AQP4: variants seen among roughly 807,000 people sequenced by gnomAD.
The protein encoded by AQP4 is aquaporin-4.
Under a neutral mutation model 27.8 loss-of-function variants are expected in AQP4, and 18 were observed. The ratio of observed to expected loss-of-function variants is 0.65; its 90% confidence interval spans 0.45 to 0.96. The LOEUF (loss-of-function observed/expected upper bound fraction) is 0.96. Ranked by LOEUF, AQP4 falls within the 40% of genes least tolerant of loss-of-function variation. AQP4 has a pLI of 0.00. For synonymous variants in AQP4, 141 were observed against 142.9 expected (o/e 0.99, Z 0.10); for missense variants, 412 against 408.2 (o/e 1.01, Z -0.08).
In AQP4 at chr18:26,861,198, C is replaced by G; in HGVS notation, c.545G>C (p.Arg182Pro). 6.2e-7 allele frequency: 1 copy of G among 1,614,032 alleles called. No individual in the cohort carries two copies. Among genetic ancestry groups the G allele is most frequent in the South Asian group, 1.1e-5 (1 of 91,078 alleles). The change falls in exon 3 of 5, where the codon CGG becomes CCG. Residue 182 changes from arginine to proline, a missense_variant. Transcript: ENST00000383168. The part of the protein sequence containing the change: ...FTIFASCDSK[R>P]TDVTGSIALA... ...AGCTATTGAGCCAGTGACATCAGTC[C>G]GTTTGGAATCACAGCTGGCAAAGAT...
intron 4 of AQP4, among the ~76,000 whole-genome samples, chr18:26,857,017 A>T (rs1462080229): frequency 6.6e-6 from 1 of 152,180 alleles, no homozygotes; most frequent in Non-Finnish European, 1.5e-5. Context: ...TCAGTTACGT[A>T]ACTTTCCAAG....
At chr18:26,862,009 C>A in intron 2 of AQP4, 173 bp downstream of exon 2, 1 of 752,606 alleles carries the variant, frequency 1.3e-6, no homozygotes, top group Admixed American at 2.6e-5. Context: ...TGATTTCTTA[C>A]AGATATACCT....
rs72557973 is a variant in AQP4, at chr18:26,860,920, C to T, written c.613-68G>A. On this transcript the variant is annotated intron_variant, in intron 3 of 4. Coordinates refer to ENST00000383168, the MANE Select transcript of AQP4 (RefSeq NM_001650.7). ...GGCTACTAGCAAGTATCATTCATTG[C>T]AATTTGCTGTCATTTGTCACTTAGA... 6,900 of 1,503,426 alleles carry T rather than the reference C, an allele frequency of 4.6e-3. 255 individuals carry two copies. The African/African-American group carries it at 0.083, about 18-fold the overall frequency. The allele number at this position is 1,503,426 out of a possible 1,614,324, so 93.1% of individuals were successfully genotyped here.
intron 1 of AQP4, chr18:26,865,298 C>T (rs956404568): frequency 1.0e-5 from 4 of 385,776 alleles, no homozygotes; most frequent in Non-Finnish European, 2.0e-5. Flanking sequence ...TGTACTGAAT[C>T]GGACACATTA....
At chr18:26,861,359 TATC>T in intron 2 of AQP4, 64 bp from the exon 3 acceptor site, 1 of 1,516,976 alleles carries the variant, frequency 6.6e-7, no homozygotes, top group African/African-American at 1.4e-5. Context: ...AATGTATTAA[TATC>T]ATTGTGAAAG....
intron 1 of AQP4, chr18:26,862,841 T>C: frequency 1.7e-6 from 1 of 580,392 alleles, no homozygotes; most frequent in Non-Finnish European, 3.0e-6. Flanking sequence ...AAACTGTCCC[T>C]AGAAAGGAAA....
intron 4 of AQP4, among the ~76,000 whole-genome samples, chr18:26,856,797 A>G (rs1040423866): frequency 6.6e-6 from 1 of 152,192 alleles, no homozygotes; most frequent in Non-Finnish European, 1.5e-5. Flanking sequence ...TGGTACTACA[A>G]ATTAAGCGCA....
At chr18:26,861,501 G>A (rs1457480155) in intron 2 of AQP4, among the ~76,000 whole-genome samples, 8 of 152,202 alleles carry the variant, frequency 5.3e-5, no homozygotes, top group Non-Finnish European at 1.5e-5. Flanking sequence ...AGATGACTGT[G>A]ATTACTCTTA....
intron 4 of AQP4, among the ~76,000 whole-genome samples, chr18:26,858,774 A>C (rs1299375332): frequency 6.6e-6 from 1 of 152,220 alleles, no homozygotes; most frequent in Non-Finnish European, 1.5e-5. Flanking sequence ...AAAAATAAAC[A>C]AATCTCAGTG....
At chr18:26,861,777 TA>T (rs1428404634) in intron 2 of AQP4, among the ~76,000 whole-genome samples, 2 of 152,252 alleles carry the variant, frequency 1.3e-5, no homozygotes, top group Non-Finnish European at 2.9e-5. Context: ...ATCGGATGTC[TA>T]TTTTTTTAAG....
rs2054765612 is a variant in AQP4, at chr18:26,852,371, C to G, written c.*3840G>C. On this transcript the variant is annotated 3_prime_UTR_variant, in exon 5 of 5. Transcript: ENST00000383168. Reference sequence around the variant, plus strand: ...TTATTTAATTAATCCTGAAGAGAACCTAGAAATACATTCCAATGGGTTACA... The same window carrying G: ...TTATTTAATTAATCCTGAAGAGAACGTAGAAATACATTCCAATGGGTTACA... 2 of 152,772 alleles carry G rather than the reference C, an allele frequency of 1.3e-5. No homozygotes were observed. The highest frequency in any genetic ancestry group is 6.5e-5 in the Admixed American group (1 of 15,280). 9.5% of individuals were successfully genotyped at this position (152,772 alleles called of 1,614,324 possible). A position where few individuals can be genotyped will look rare whatever the true frequency, so the allele number is the denominator to read the frequency against.
rs1568061686 is a variant in AQP4, at chr18:26,852,653, T to C, written c.*3558A>G. 1 of 394,324 alleles carries C rather than the reference T, an allele frequency of 2.5e-6. No homozygotes were observed. Among genetic ancestry groups the C allele is most frequent in the Non-Finnish European group, 4.5e-6 (1 of 223,738 alleles). The allele number at this position is 394,324 out of a possible 1,614,324, so 24.4% of individuals were successfully genotyped here. A position where few individuals can be genotyped will look rare whatever the true frequency, so the allele number is the denominator to read the frequency against. ...CTGTAGAGTACTAAACTCACAAAAT[T>C]TGTGGTAACAAAAGAGAGTTTTGTT... On this transcript the variant is annotated 3_prime_UTR_variant, in exon 5 of 5. Transcript: ENST00000383168.
Position 26,861,297 on chromosome 18 carries a change from T to C in AQP4, c.448-2A>G, listed in dbSNP as rs2144964969. On this transcript the variant is annotated splice_acceptor_variant, in intron 2 of 4. Coordinates refer to ENST00000383168, the MANE Select transcript of AQP4 (RefSeq NM_001650.7). LOFTEE classifies it high-confidence loss of function. ...ACCAGCGGTAAGATTTCCATGAACC[T>C]AGAGAAAGAAAAATATTCCATCAGA... 6.2e-7 allele frequency: 1 copy of C among 1,613,306 alleles called. No individual in the cohort carries two copies. The highest frequency in any genetic ancestry group is 8.5e-7 in the Non-Finnish European group (1 of 1,179,258).
rs1443622580 is a variant in AQP4 at position 26,854,123 on chromosome 18, A to T, written c.*2088T>A. On this transcript the variant is annotated 3_prime_UTR_variant, in exon 5 of 5. Coordinates refer to ENST00000383168, the MANE Select transcript of AQP4 (RefSeq NM_001650.7). ...ACACCATTCACTTTTCTTTAACCGT[A>T]ACTTATTGAATGCTATAATTGGAAG... 1 of 152,222 alleles carries T rather than the reference A, an allele frequency of 6.6e-6. No homozygotes were observed. Among genetic ancestry groups the T allele is most frequent in the African/African-American group, 2.4e-5 (1 of 41,456 alleles). The allele number at this position is 152,222 out of a possible 1,614,324, so 9.4% of individuals were successfully genotyped here. A position where few individuals can be genotyped will look rare whatever the true frequency, so the allele number is the denominator to read the frequency against.
At chr18:26,858,438 T>G (rs929583494) in intron 4 of AQP4, among the ~76,000 whole-genome samples, 2 of 152,214 alleles carry the variant, frequency 1.3e-5, no homozygotes, top group Non-Finnish European at 2.9e-5. Context: ...TCAGTTTGCA[T>G]CCTCATTGTA....
intron 4 of AQP4, 96 bp downstream of exon 4, chr18:26,860,676 A>G: frequency 9.1e-7 from 1 of 1,096,092 alleles, no homozygotes; most frequent in Non-Finnish European, 1.4e-6. Context: ...GAGAAATGCA[A>G]GAGAAAGTAG....
chr18:26,864,638 A>G (rs1435354806), intron 1 of AQP4, among the ~76,000 whole-genome samples: 1 of 152,180 alleles, frequency 6.6e-6, no homozygotes, highest in Non-Finnish European at 1.5e-5. Flanking sequence ...AAGTTAGGAG[A>G]GTCACTTCTG....
rs1456932297 is a variant in AQP4, at chr18:26,856,186, G to T, written c.*25C>A. On this transcript the variant is annotated 3_prime_UTR_variant, in exon 5 of 5. Coordinates refer to ENST00000383168, the MANE Select transcript of AQP4 (RefSeq NM_001650.7). ...TCTGAGGACAGTTCTAAGGAGTCTT[G>T]TCTGCTTTCAGTGCGATCTTCTAGT... 1 of 1,613,812 alleles carries T rather than the reference G, an allele frequency of 6.2e-7. No individual in the cohort carries two copies. The highest frequency in any genetic ancestry group is 1.7e-5 in the Admixed American group (1 of 60,016).
chr18:26,859,954 G>T (rs186256101), intron 4 of AQP4, among the ~76,000 whole-genome samples: 37 of 152,206 alleles, frequency 2.4e-4, no homozygotes, highest in African/African-American at 8.2e-4. Flanking sequence ...TATTTTTATT[G>T]GCTATTGTAA....
Sources: allele counts gnomAD v4.1 joint callset (sites outside exome capture counted in the v4.1 genomes callset), GRCh38; gene constraint gnomAD v4.1.1; transcripts MANE v1.5; gene names NCBI Gene and HGNC (gene_info 2026-07-23, HGNC 2026-07-21).